FBL: variants seen among roughly 807,000 people sequenced by gnomAD.
FBL encodes rRNA 2'-O-methyltransferase fibrillarin.
In FBL, 10 loss-of-function variants were observed where a neutral mutation model predicts 42.2. That is an observed-to-expected ratio of 0.24 (90% CI 0.15 to 0.40). The LOEUF (loss-of-function observed/expected upper bound fraction) is 0.40, where lower values mean the gene tolerates loss of function less well. Among genes scored for constraint, FBL ranks in the 10% least tolerant of loss-of-function variants. The pLI is 1.00. For missense variants in FBL, 351 were observed against 439.2 expected (o/e 0.80, Z 1.79); for synonymous variants, 165 against 165.4 (o/e 1.00, Z 0.02).
rs775099415 is a variant in FBL at position 39,846,349 on chromosome 19, C to T, written c.-49G>A. 10 of 1,610,052 alleles carry T rather than the reference C, an allele frequency of 6.2e-6. No homozygotes were observed. The highest frequency in any genetic ancestry group is 1.3e-5 in the African/African-American group (1 of 74,780). ...CCGGAGTCCGCGGCGTTCACAACTCCACGAGTCCGGGGCTTTCGCACGTGG... is the reference window on the plus strand; with the variant it reads ...CCGGAGTCCGCGGCGTTCACAACTCTACGAGTCCGGGGCTTTCGCACGTGG... On this transcript the variant is annotated 5_prime_UTR_variant, in exon 1 of 9. Coordinates refer to ENST00000221801, the MANE Select transcript of FBL (RefSeq NM_001436.4).
chr19:39,837,671 G>C (rs774423491), intron 6 of FBL, 40 bp downstream of exon 6: 2 of 1,504,046 alleles, frequency 1.3e-6, no homozygotes, highest in South Asian at 2.7e-5. Flanking sequence ...GCCTGCGGTG[G>C]CCTGTCCTAC....
chr19:39,845,619 C>A (rs559762476), intron 1 of FBL, among the ~76,000 whole-genome samples: 1 of 152,310 alleles, frequency 6.6e-6, no homozygotes, highest in South Asian at 2.1e-4. Context: ...ACCACCCGCC[C>A]CACCACCCCA....
At chr19:39,835,547 T>C (rs1016757900) in intron 7 of FBL, among the ~76,000 whole-genome samples, 6 of 151,910 alleles carry the variant, frequency 3.9e-5, no homozygotes, top group African/African-American at 1.5e-4. Context: ...TAAAAATAAA[T>C]AAATTACCCA....
rs770400399 is a variant in FBL at position 39,834,618 on chromosome 19, T to C, written c.941+50A>G. ...GTCCCCAGGATCATGGCACTCGGGG[T>C]GCAAGGGACAGAGATGTCTGTCTTG... On this transcript the variant is annotated intron_variant, in intron 8 of 8. Transcript: ENST00000221801. The C allele has an allele frequency of 3.1e-6, 5 of 1,614,008 alleles. No individual in the cohort carries two copies. In the Admixed American group the frequency reaches 8.3e-5, roughly 27 times the overall value.
At chr19:39,838,920 A>G in intron 5 of FBL, 115 bp downstream of exon 5, 1 of 907,948 alleles carries the variant, frequency 1.1e-6, no homozygotes, top group African/African-American at 1.7e-5. Context: ...CAGTGACAGA[A>G]AAGGGCCTGG....
At chr19:39,839,874 C>T (rs1248965853) in intron 4 of FBL, among the ~76,000 whole-genome samples, 5 of 152,006 alleles carry the variant, frequency 3.3e-5, no homozygotes, top group African/African-American at 7.3e-5. Flanking sequence ...AGTGGTGTGA[C>T]GCAGCCTGGA....
rs1969154933 is a variant in FBL, at chr19:39,840,991, C to T, written c.11-204G>A. Among the ~76,000 whole-genome samples, 9 of 152,318 alleles carry T rather than the reference C, an allele frequency of 5.9e-5. No individual in the cohort carries two copies. In the South Asian group the frequency reaches 1.9e-3, roughly 32 times the overall value. On this transcript the variant is annotated intron_variant, in intron 1 of 8. Coordinates refer to ENST00000221801, the MANE Select transcript of FBL (RefSeq NM_001436.4). The surrounding 1 kb of genome is among the most constrained non-coding windows in gnomAD (Gnocchi z 4.5). The stretch of plus-strand genomic sequence containing the variant: ...TAGAATGGGCAAATAAAATAGAAGA[C>T]ATTCACAATCAAGATCATGAAAATG...
chr19:39,842,143 T>C (rs1282589483), intron 1 of FBL, among the ~76,000 whole-genome samples: 1 of 151,916 alleles, frequency 6.6e-6, no homozygotes, highest in Non-Finnish European at 1.5e-5. Flanking sequence ...TGGAGTGCAG[T>C]GACACGATCT....
At chr19:39,835,124 C>G (rs911379718) in intron 7 of FBL, among the ~76,000 whole-genome samples, 1 of 152,206 alleles carries the variant, frequency 6.6e-6, no homozygotes, top group Non-Finnish European at 1.5e-5. Flanking sequence ...ACCCTTCTGC[C>G]AATGGATGAC....
chr19:39,837,623 C>T (rs761059845), intron 6 of FBL, 88 bp downstream of exon 6: 105 of 1,256,876 alleles, frequency 8.4e-5, no homozygotes, highest in Non-Finnish European at 1.1e-4. Context: ...TCCACTCCAA[C>T]TCCATCCGAA....
At chr19:39,844,004 T>C (rs1301848048) in intron 1 of FBL, among the ~76,000 whole-genome samples, 2 of 151,986 alleles carry the variant, frequency 1.3e-5, no homozygotes, top group East Asian at 1.9e-4. Flanking sequence ...CATCTTTCTA[T>C]TAAAGATGAA....
intron 1 of FBL, among the ~76,000 whole-genome samples, chr19:39,842,187 G>A (rs1165694817): frequency 1.3e-5 from 2 of 151,448 alleles, no homozygotes; most frequent in East Asian, 1.9e-4. Flanking sequence ...CCAGGTTCAC[G>A]CCTTTCTCCT....
Position 39,846,360 on chromosome 19 carries a change from G to T in FBL, c.-60C>A. On this transcript the variant is annotated 5_prime_UTR_variant, in exon 1 of 9. Transcript: ENST00000221801. Reference sequence around the variant, plus strand: ...GGCGTTCACAACTCCACGAGTCCGGGGCTTTCGCACGTGGAAAAGAGCGCA... The same window carrying T: ...GGCGTTCACAACTCCACGAGTCCGGTGCTTTCGCACGTGGAAAAGAGCGCA... 4 of 1,604,194 alleles carry T rather than the reference G, an allele frequency of 2.5e-6. No homozygotes were observed. The highest frequency in any genetic ancestry group is 3.4e-6 in the Non-Finnish European group (4 of 1,174,986).
Position 39,840,540 on chromosome 19 carries a change from G to C in FBL, c.182-25C>G, listed in dbSNP as rs76957920. 1 of 1,613,718 alleles carries C rather than the reference G, an allele frequency of 6.2e-7. No individual in the cohort carries two copies. The highest frequency in any genetic ancestry group is 1.7e-5 in the Admixed American group (1 of 59,988). On this transcript the variant is annotated intron_variant, in intron 2 of 8. Transcript: ENST00000221801. The surrounding 1 kb of genome is among the most constrained non-coding windows in gnomAD (Gnocchi z 4.5). Reference sequence around the variant, plus strand: ...CCTATAAAGGAGAGGTACAACAGGAGAGAAAGATCCTGAATCTCCGCCCTC... The same window carrying C: ...CCTATAAAGGAGAGGTACAACAGGACAGAAAGATCCTGAATCTCCGCCCTC...
Position 39,837,860 on chromosome 19 carries a change from A to T in FBL, c.550-17T>A, listed in dbSNP as rs767088385. 1.2e-6 allele frequency: 2 copies of T among 1,611,388 alleles called. No individual in the cohort carries two copies. The highest frequency in any genetic ancestry group is 1.7e-6 in the Non-Finnish European group (2 of 1,178,550). ...TAGACCATCCTAAAATAAATTAAAA[A>T]TTAATGAACAGTGATGCTAGTTCTC... is the stretch of plus-strand genomic sequence containing the variant. On this transcript the variant is annotated splice_polypyrimidine_tract_variant and intron_variant, in intron 5 of 8. Coordinates refer to ENST00000221801, the MANE Select transcript of FBL (RefSeq NM_001436.4).
intron 4 of FBL, among the ~76,000 whole-genome samples, chr19:39,839,745 C>T (rs1209727563): frequency 6.6e-6 from 1 of 152,080 alleles, no homozygotes; most frequent in Non-Finnish European, 1.5e-5. Context: ...TGAGGAAGGA[C>T]ATTCCCACGA....
At chr19:39,843,317 T>A (rs1255454471) in intron 1 of FBL, among the ~76,000 whole-genome samples, 1 of 152,146 alleles carries the variant, frequency 6.6e-6, no homozygotes, top group African/African-American at 2.4e-5. Flanking sequence ...CCTCTATTTG[T>A]TCAGAAAGCA....
intron 1 of FBL, among the ~76,000 whole-genome samples, chr19:39,845,255 G>A (rs188778029): frequency 1.4e-4 from 17 of 117,546 alleles, no homozygotes; most frequent in Non-Finnish European, 2.6e-4. Context: ...CAGGCCAGAT[G>A]GAGGAAGTGC....
chr19:39,843,102 C>T (rs1427641333), intron 1 of FBL, among the ~76,000 whole-genome samples: 3 of 152,174 alleles, frequency 2.0e-5, no homozygotes, highest in Non-Finnish European at 4.4e-5. Flanking sequence ...TCAATTATCA[C>T]ACATGGCATT....
Sources: gnomAD v4.1 joint callset for allele counts (sites outside exome capture counted in the v4.1 genomes callset) on GRCh38, gnomAD v4.1.1 for gene constraint, Gnocchi (gnomAD v3.1) non-coding constraint, MANE v1.5 for transcripts, NCBI Gene and HGNC (gene_info 2026-07-23, HGNC 2026-07-21) for gene names.